The following ASH1L variants were observed in gnomAD, a reference collection of about 807,000 sequenced individuals.
The protein encoded by ASH1L is histone-lysine N-methyltransferase ASH1L.
Under a neutral mutation model 269.0 loss-of-function variants are expected in ASH1L, and 23 were observed. The ratio of observed to expected loss-of-function variants is 0.09; its 90% CI spans 0.06 to 0.12. The LOEUF (loss-of-function observed/expected upper bound fraction) is 0.12. Among genes scored for constraint, ASH1L ranks in the 10% least tolerant of loss-of-function variants. ASH1L has a pLI of 1.00. For synonymous variants in ASH1L, 1,187 were observed against 1,253.5 expected (o/e 0.95, Z 1.12); for missense variants, 2,912 against 3,567.8 (o/e 0.82, Z 4.68).
chr1:155,438,550 C>A lies in ASH1L; in HGVS notation c.5605G>T (p.Ala1869Ser). 1 of 1,613,800 alleles carries A rather than the reference C, an allele frequency of 6.2e-7. No homozygotes were observed. The highest frequency in any genetic ancestry group is 8.5e-7 in the Non-Finnish European group (1 of 1,179,850). ...QAVVSMQAFQ[A>S]AQFVNPELNR... The stretch of plus-strand genomic sequence containing the variant: ...AATTCTGGGTTGACAAACTGAGCAG[C>A]CTGGAATGCTTGCATTGATACGACA... Residue 1869 changes from alanine (A) to serine (S), a missense_variant, in exon 5 of 28, where the codon GCT (alanine) becomes TCT (serine). By Grantham distance (99) the Ala-to-Ser change is moderately conservative. Transcript: ENST00000392403.
chr1:155,437,900 G>C (rs543718074), intron 5 of ASH1L, among the ~76,000 whole-genome samples: 13 of 152,304 alleles, frequency 8.5e-5, no homozygotes, highest in African/African-American at 3.1e-4. Context: ...TGTCGCCCAG[G>C]TTGGAGTGCA....
chr1:155,508,682 A>T (rs572524774), intron 2 of ASH1L, among the ~76,000 whole-genome samples: 28 of 152,290 alleles, frequency 1.8e-4, no homozygotes, highest in African/African-American at 6.0e-4. Context: ...CTTATAAAAC[A>T]ATCAGGGGCT....
chr1:155,447,774 T>C (rs535329581), intron 4 of ASH1L, among the ~76,000 whole-genome samples: 22 of 152,246 alleles, frequency 1.4e-4, no homozygotes, highest in Non-Finnish European at 2.8e-4. Flanking sequence ...CTTTGTCAGA[T>C]GTGTAGTTTG....
chr1:155,479,996 A>G lies in ASH1L; in HGVS notation c.2874T>C (p.Ser958=). The G allele has an allele frequency of 1.2e-5, 20 of 1,613,984 alleles. No individual in the cohort carries two copies. The highest frequency in any genetic ancestry group is 1.7e-5 in the Non-Finnish European group (20 of 1,180,010). ...LDDSHRPSVC[S]MSDLEMEPDK... ...CTGGTTCCATCTCAAGGTCACTCAT[A>G]CTACAGACACTTGGCCTATGACTGT... is the stretch of plus-strand genomic sequence containing the variant. The change falls in exon 3 of 28, where the codon AGT becomes AGC. Residue 958 remains serine (S), a synonymous_variant. Coordinates refer to ENST00000392403, the MANE Select transcript of ASH1L (RefSeq NM_018489.3).
intron 2 of ASH1L, among the ~76,000 whole-genome samples, chr1:155,488,526 T>C (rs983348336): frequency 1.4e-5 from 2 of 140,328 alleles, no homozygotes; most frequent in African/African-American, 5.4e-5. Context: ...AAAAAAAAAT[T>C]AGCAGGGTGG....
intron 6 of ASH1L, among the ~76,000 whole-genome samples, chr1:155,412,228 C>G (rs1659867502): frequency 6.8e-6 from 1 of 147,362 alleles, no homozygotes; most frequent in Admixed American, 6.8e-5. Flanking sequence ...GGCAACAGAG[C>G]ACGACTCCGT....
intron 2 of ASH1L, among the ~76,000 whole-genome samples, chr1:155,496,308 ACT>A (rs920292123): frequency 5.3e-5 from 8 of 152,188 alleles, no homozygotes; most frequent in African/African-American, 1.9e-4. Context: ...GCTCCATTAT[ACT>A]CTTATGGGAC....
chr1:155,452,438 A>G (rs1484861154), intron 4 of ASH1L, among the ~76,000 whole-genome samples: 4 of 152,174 alleles, frequency 2.6e-5, no homozygotes, highest in Non-Finnish European at 4.4e-5. Context: ...TTTAAAAATC[A>G]GTTATTTGTA....
At chr1:155,463,843 T>C (rs182324506) in intron 3 of ASH1L, among the ~76,000 whole-genome samples, 1 of 152,160 alleles carries the variant, frequency 6.6e-6, no homozygotes, top group East Asian at 1.9e-4. Context: ...TTATACCCAG[T>C]AGGGAGCTAG....
chr1:155,478,145 T>C lies in ASH1L; in HGVS notation c.4725A>G (p.Leu1575=), dbSNP rs1187507569. Residue 1575 remains leucine (L), a synonymous_variant, in exon 3 of 28, where the codon TTA becomes TTG. Transcript: ENST00000392403. This position sits in a 1 kb window ranked among gnomAD's most constrained non-coding sequence, Gnocchi z 4.6. ...GAGAACTTTCTGAACAGTCAATCTGTAAAGGTGTCTGCAATCCCAAGGCCA... is the reference window on the plus strand; with the variant it reads ...GAGAACTTTCTGAACAGTCAATCTGCAAAGGTGTCTGCAATCCCAAGGCCA... ...SPLALGLQTP[L]QIDCSESSPS... 6.2e-7 allele frequency: 1 copy of C among 1,613,904 alleles called. No individual in the cohort carries two copies. Among genetic ancestry groups the C allele is most frequent in the Non-Finnish European group, 8.5e-7 (1 of 1,180,002 alleles).
chr1:155,518,644 T>C (rs1668654940), intron 2 of ASH1L, among the ~76,000 whole-genome samples: 2 of 121,050 alleles, frequency 1.7e-5, no homozygotes, highest in Middle Eastern at 8.5e-3. Context: ...GTTAAGAAAA[T>C]GCAAATCAAA....
intron 2 of ASH1L, 56 bp downstream of exon 2, chr1:155,521,044 T>C: frequency 6.7e-7 from 1 of 1,486,270 alleles, no homozygotes; most frequent in Non-Finnish European, 9.1e-7. Context: ...GGATAAAAAT[T>C]AATAGGGAAA....
intron 2 of ASH1L, among the ~76,000 whole-genome samples, chr1:155,511,881 G>A (rs1431729803): frequency 1.3e-5 from 2 of 151,874 alleles, no homozygotes; most frequent in Non-Finnish European, 2.9e-5. Flanking sequence ...CGGGATCTCG[G>A]CTCACCACAA....
At chr1:155,461,276 A>T (rs1416241717) in intron 3 of ASH1L, among the ~76,000 whole-genome samples, 1 of 152,234 alleles carries the variant, frequency 6.6e-6, no homozygotes, top group Admixed American at 6.5e-5. Flanking sequence ...TGTTTCAATT[A>T]AGTAGTATCT....
rs772760201 is a variant in ASH1L, at chr1:155,426,663, A to G, written c.5829-10740T>C. On this transcript the variant is annotated intron_variant, in intron 5 of 27. Coordinates refer to ENST00000392403, the MANE Select transcript of ASH1L (RefSeq NM_018489.3). ...CTTATGTCTTTCTGCAAACAATAAA[A>G]TGGATTAACATCTACAAATATTTTA... 2.1e-4 allele frequency among the ~76,000 whole-genome samples: 32 copies of G among 152,358 alleles called. No homozygotes were observed. The South Asian group carries it at 2.5e-3, about 12-fold the overall frequency.
intron 15 of ASH1L, 60 bp from the exon 16 acceptor site, chr1:155,354,690 G>T: frequency 6.6e-7 from 1 of 1,522,032 alleles, no homozygotes; most frequent in Non-Finnish European, 8.9e-7. Context: ...TGTATTACAT[G>T]TCTACTCTAT....
intron 5 of ASH1L, among the ~76,000 whole-genome samples, chr1:155,436,775 G>A (rs1402024349): frequency 6.6e-6 from 1 of 151,576 alleles, no homozygotes; most frequent in Non-Finnish European, 1.5e-5. Flanking sequence ...AATTACAGGC[G>A]TGAGCCACCA....
At chr1:155,427,680 C>A (rs1174795780) in intron 5 of ASH1L, among the ~76,000 whole-genome samples, 2 of 152,112 alleles carry the variant, frequency 1.3e-5, no homozygotes, top group Non-Finnish European at 2.9e-5. Flanking sequence ...CTCAGGTGAT[C>A]CACCCACCTC....
chr1:155,369,672 A>G (rs1359050075), intron 12 of ASH1L, among the ~76,000 whole-genome samples: 1 of 152,114 alleles, frequency 6.6e-6, no homozygotes, highest in Non-Finnish European at 1.5e-5. Context: ...TGCACCAGGT[A>G]TTTAATAAGC....
Sources: allele counts gnomAD v4.1 joint callset (sites outside exome capture counted in the v4.1 genomes callset), GRCh38; gene constraint gnomAD v4.1.1; non-coding constraint Gnocchi (gnomAD v3.1); transcripts MANE v1.5; gene names NCBI Gene and HGNC (gene_info 2026-07-23, HGNC 2026-07-21).